Variants in ACTG2 observed in about 807,000 individuals in gnomAD.
ACTG2 encodes the protein actin, gamma-enteric smooth muscle.
Under a neutral mutation model 37.6 loss-of-function variants are expected in ACTG2, and 16 were observed. That is an observed-to-expected ratio of 0.43 (90% confidence interval 0.29 to 0.65). The LOEUF (loss-of-function observed/expected upper bound fraction) is 0.65. ACTG2 is among the 30% of genes least tolerant of loss of function. The pLI, the probability that ACTG2 is intolerant of heterozygous loss-of-function variation, is 0.18. For missense variants in ACTG2, 238 were observed against 490.9 expected, an observed-to-expected ratio of 0.48 and a Z score of 4.87; for synonymous variants, 181 against 179.9, an observed-to-expected ratio of 1.01 and a Z score of -0.05.
chr2:73,899,241 T>G (rs1558621408), intron 1 of ACTG2, among the ~76,000 whole-genome samples: 1 of 152,202 alleles, frequency 6.6e-6, no homozygotes, highest in Non-Finnish European at 1.5e-5. Flanking sequence ...GGCAGGAGAA[T>G]CACTTGAACC....
intron 1 of ACTG2, among the ~76,000 whole-genome samples, chr2:73,895,607 G>A (rs1314697828): frequency 1.3e-5 from 2 of 152,186 alleles, no homozygotes; most frequent in Non-Finnish European, 2.9e-5. Context: ...CATCATCGCA[G>A]AGGCCCTCCG....
chr2:73,910,222 A>ATG (rs1553395886), intron 5 of ACTG2, among the ~76,000 whole-genome samples: 4 of 89,478 alleles, frequency 4.5e-5, no homozygotes, highest in Non-Finnish European at 1.1e-4. Context: ...CTCAAAAAAT[A>ATG]TGTATATATA....
chr2:73,895,006 T>C (rs1679712296), intron 1 of ACTG2, among the ~76,000 whole-genome samples: 1 of 152,094 alleles, frequency 6.6e-6, no homozygotes, highest in Non-Finnish European at 1.5e-5. Flanking sequence ...GCGGTGGTCC[T>C]GAGCTGGTGG....
chr2:73,901,028 C>G (rs1010517269), intron 1 of ACTG2, among the ~76,000 whole-genome samples: 1 of 152,218 alleles, frequency 6.6e-6, no homozygotes, highest in African/African-American at 2.4e-5. Context: ...AAGACCCTAT[C>G]TCCAAATACA....
At chr2:73,918,841 G>T (rs1281787631) in intron 8 of ACTG2, among the ~76,000 whole-genome samples, 1 of 152,210 alleles carries the variant, frequency 6.6e-6, no homozygotes, top group African/African-American at 2.4e-5. Flanking sequence ...CAAACTCCAG[G>T]CAAGAACAGA....
intron 7 of ACTG2, 58 bp from the exon 8 acceptor site, chr2:73,916,526 G>T: frequency 6.7e-7 from 1 of 1,491,798 alleles, no homozygotes; most frequent in Non-Finnish European, 9.2e-7. Context: ...TTGAGGAGCT[G>T]GAGGTGTGCA....
rs1431115356 is a variant in ACTG2 at position 73,901,295 on chromosome 2, A to T, written c.-17A>T. On this transcript the variant is annotated 5_prime_UTR_variant, in exon 2 of 9. Coordinates refer to ENST00000345517, the MANE Select transcript of ACTG2 (RefSeq NM_001615.4). ...CCCAAGGTGCTCCAGTCCCCAGCTC[A>T]CTCAGCCACACACACCATGTGTGAA... 1 of 1,560,050 alleles carries T rather than the reference A, an allele frequency of 6.4e-7. No homozygotes were observed. Among genetic ancestry groups the T allele is most frequent in the Middle Eastern group, 1.7e-4 (1 of 5,860 alleles).
chr2:73,904,814 T>TATATATATATATAA (rs1679985080), intron 3 of ACTG2, among the ~76,000 whole-genome samples: 1 of 131,962 alleles, frequency 7.6e-6, no homozygotes, highest in African/African-American at 3.0e-5. Context: ...TATATATATA[T>TATATATATATATAA]AATCTTGTGT....
rs7570375 is a variant in ACTG2 at position 73,919,850 on chromosome 2, A to G, written c.*275A>G. On this transcript the variant is annotated 3_prime_UTR_variant, in exon 9 of 9. Transcript: ENST00000345517. The stretch of plus-strand genomic sequence containing the variant: ...CACACAGATTCCAGATTAAAATTCA[A>G]GTATCTGACTGCAAAGCTAGTGCTC... The G allele has an allele frequency of 0.05, 14,324 of 288,176 alleles. 533 individuals carry two copies. The highest frequency in any genetic ancestry group is 0.12 in the African/African-American group (5,571 of 45,786). 17.9% of individuals were successfully genotyped at this position (288,176 alleles called of 1,614,324 possible).
In ACTG2 at chr2:73,908,600, G is replaced by A. The variant is rs1183018710; in HGVS notation, c.256-73G>A. 4.7e-6 allele frequency: 6 copies of A among 1,268,240 alleles called. No individual in the cohort carries two copies. The African/African-American group carries it at 8.9e-5, about 19-fold the overall frequency. The allele number at this position is 1,268,240 out of a possible 1,614,324, so 78.6% of individuals were successfully genotyped here. A position where few individuals can be genotyped will look rare whatever the true frequency, so the allele number is the denominator to read the frequency against. ...TGTAACATGGTGCCACACTCTCCCAGCATGGGAATGTCAATGAGAATTTTC... is the reference window on the plus strand; with the variant it reads ...TGTAACATGGTGCCACACTCTCCCAACATGGGAATGTCAATGAGAATTTTC... On this transcript the variant is annotated intron_variant, in intron 3 of 8. Transcript: ENST00000345517.
rs75820769 is a variant in ACTG2, at chr2:73,900,880, C to T, written c.-36-396C>T. Among the ~76,000 whole-genome samples, 405 of 152,296 alleles carry T rather than the reference C, an allele frequency of 2.7e-3. 2 individuals are homozygous for T. The highest frequency in any genetic ancestry group is 9.3e-3 in the African/African-American group (386 of 41,554). On this transcript the variant is annotated intron_variant, in intron 1 of 8. Coordinates refer to ENST00000345517, the MANE Select transcript of ACTG2 (RefSeq NM_001615.4). ...CTTGTATATGGCCACCTTCTCACTG[C>T]ATCCTCCCGTGGCCTACCCTCTGCA...
rs1410036446 is a variant in ACTG2, at chr2:73,916,745, C to T, written c.967C>T (p.Pro323Ser). Reference protein sequence around the residue: ...RMQKEITALAPSTMKIKIIAP... With the variant: ...RMQKEITALASSTMKIKIIAP... ...GCAGAAGGAGATCACAGCCCTGGCC[C>T]CCAGCACCATGAAGATCAAGGTGGG... The change falls in exon 8 of 9, where the codon CCC (proline) becomes TCC (serine). Residue 323 changes from proline (P) to serine (S), a missense_variant. Transcript: ENST00000345517. 1 of 1,613,964 alleles carries T rather than the reference C, an allele frequency of 6.2e-7. No homozygotes were observed. The highest frequency in any genetic ancestry group is 1.7e-5 in the Admixed American group (1 of 60,008).
At chr2:73,904,785 A>G (rs1208230882) in intron 3 of ACTG2, among the ~76,000 whole-genome samples, 298 of 23,078 alleles carry the variant, frequency 0.013, 2 homozygotes, top group South Asian at 0.038. Flanking sequence ...GTGTATATAT[A>G]TATATATATA....
At position 73,903,086 on chromosome 2, in the gene ACTG2, A is replaced by G. The variant is rs59761642; in HGVS notation, c.255+598A>G. 9.3e-3 allele frequency: 1,822 copies of G among 195,858 alleles called. 33 individuals are homozygous for G. Among genetic ancestry groups the G allele is most frequent in the African/African-American group, 0.04 (1,719 of 43,112 alleles). The allele number at this position is 195,858 out of a possible 1,614,324, so 12.1% of individuals were successfully genotyped here. On this transcript the variant is annotated intron_variant, in intron 3 of 8. Transcript: ENST00000345517. ...GAACTCTCTCAGGGTTTCTAGAAGC[A>G]TTTTTGTTTAAGAAAATATTGTGGG...
chr2:73,917,794 C>A (rs913944771), intron 8 of ACTG2, among the ~76,000 whole-genome samples: 1 of 152,190 alleles, frequency 6.6e-6, no homozygotes, highest in Non-Finnish European at 1.5e-5. Flanking sequence ...AACCTGTGGG[C>A]TCTTCTCACC....
chr2:73,903,939 CAAA>C lies in ACTG2; in HGVS notation c.255+1469_255+1471del, dbSNP rs61362643. On this transcript the variant is annotated intron_variant, in intron 3 of 8. Coordinates refer to ENST00000345517, the MANE Select transcript of ACTG2 (RefSeq NM_001615.4). ...TGGGTGACAGAGTGAGACTCCGTCTCAAAAAAAAAAAAAAAAAAAACAAAAAAA... is the reference window on the plus strand; with the variant it reads ...TGGGTGACAGAGTGAGACTCCGTCTCAAAAAAAAAAAAAAAAACAAAAAAA... 8.1e-3 allele frequency among the ~76,000 whole-genome samples: 727 copies of C among 89,972 alleles called. 4 individuals carry two copies. Among genetic ancestry groups the C allele is most frequent in the African/African-American group, 0.03 (697 of 23,486 alleles). 59.0% of individuals were successfully genotyped at this position (89,972 alleles called of 152,430 possible). A position where few individuals can be genotyped will look rare whatever the true frequency, so the allele number is the denominator to read the frequency against.
At chr2:73,912,475 A>G (rs1426645949) in intron 5 of ACTG2, among the ~76,000 whole-genome samples, 1 of 152,186 alleles carries the variant, frequency 6.6e-6, no homozygotes, top group Non-Finnish European at 1.5e-5. Context: ...CGTTGCAAAC[A>G]TCATGTTTAA....
intron 1 of ACTG2, among the ~76,000 whole-genome samples, chr2:73,895,384 T>C (rs1679724861): frequency 6.6e-6 from 1 of 152,174 alleles, no homozygotes; most frequent in Non-Finnish European, 1.5e-5. Context: ...CTCATGTATA[T>C]ATAGAACCTA....
In ACTG2 at chr2:73,902,469, A is replaced by G. The variant is rs746915987; in HGVS notation, c.236A>G (p.Asn79Ser). 1 of 1,614,156 alleles carries G rather than the reference A, an allele frequency of 6.2e-7. No homozygotes were observed. Among genetic ancestry groups the G allele is most frequent in the Non-Finnish European group, 8.5e-7 (1 of 1,180,028 alleles). Residue 79 changes from asparagine (N) to serine (S), a missense_variant, in exon 3 of 9, where the codon AAC (asparagine) becomes AGC (serine). Coordinates refer to ENST00000345517, the MANE Select transcript of ACTG2 (RefSeq NM_001615.4). ...CCCATTGAACACGGCATCATCACCA[A>G]CTGGGATGACATGGAGAAGGTATCT... ...KYPIEHGIIT[N>S]WDDMEKIWHH... is the part of the protein sequence containing the mutation.
Sources: allele counts gnomAD v4.1 joint callset (sites outside exome capture counted in the v4.1 genomes callset), GRCh38; gene constraint gnomAD v4.1.1; transcripts MANE v1.5; gene names NCBI Gene and HGNC (gene_info 2026-07-23, HGNC 2026-07-21).